The following TBC1D22A variants were observed in gnomAD, a reference collection of about 807,000 sequenced individuals.
The protein encoded by TBC1D22A is TBC1 domain family member 22A.
TBC1D22A carries 38 observed loss-of-function variants against 60.2 expected under a neutral mutation model. The ratio of observed to expected loss-of-function variants is 0.63; its 90% CI spans 0.49 to 0.83. The LOEUF (loss-of-function observed/expected upper bound fraction) is 0.83, where lower values mean the gene tolerates loss of function less well. Among genes scored for constraint, TBC1D22A ranks in the 40% least tolerant of loss-of-function variants. TBC1D22A has a pLI of 0.00. For synonymous variants in TBC1D22A, 302 were observed against 281.7 expected (o/e 1.07, Z -0.72); for missense variants, 628 against 701.0 (o/e 0.90, Z 1.18).
chr22:46,912,233 C>A, intron 8 of TBC1D22A, 45 bp downstream of exon 8: 1 of 1,345,004 alleles, frequency 7.4e-7, no homozygotes, highest in Non-Finnish European at 1.1e-6. Context: ...AGTGGACTTG[C>A]TGTGTGTTAC....
intron 4 of TBC1D22A, among the ~76,000 whole-genome samples, chr22:46,855,783 C>T (rs1386810493): frequency 6.6e-6 from 1 of 152,108 alleles, no homozygotes; most frequent in Non-Finnish European, 1.5e-5. Context: ...TCTTTCGTTG[C>T]CATCCGAGCC....
chr22:47,112,481 CTGT>C (rs1414973356), intron 12 of TBC1D22A, among the ~76,000 whole-genome samples: 2 of 152,214 alleles, frequency 1.3e-5, no homozygotes, highest in Admixed American at 6.5e-5. Flanking sequence ...AGCTGGCAGC[CTGT>C]TGTTCCCCAG....
At chr22:47,040,989 A>T (rs772037103) in intron 11 of TBC1D22A, among the ~76,000 whole-genome samples, 1 of 152,130 alleles carries the variant, frequency 6.6e-6, no homozygotes, top group Non-Finnish European at 1.5e-5. Flanking sequence ...CTGCTTTAGA[A>T]TGGCTCCTCA....
chr22:47,073,828 T>A (rs2064102048), intron 11 of TBC1D22A, among the ~76,000 whole-genome samples: 1 of 152,148 alleles, frequency 6.6e-6, no homozygotes, highest in Non-Finnish European at 1.5e-5. Flanking sequence ...AAAGATAGTA[T>A]TAAAAGACTA....
intron 8 of TBC1D22A, among the ~76,000 whole-genome samples, chr22:46,924,679 AG>A (rs201670099): frequency 0.025 from 3,752 of 152,070 alleles, 67 homozygotes; most frequent in Non-Finnish European, 0.038. Flanking sequence ...CGGGAGGTGG[AG>A]GTTGCAGTGA....
intron 8 of TBC1D22A, among the ~76,000 whole-genome samples, chr22:46,941,238 G>C (rs868590692): frequency 0.012 from 878 of 73,960 alleles, 18 homozygotes; most frequent in African/African-American, 0.049. Flanking sequence ...CACACACACA[G>C]TCCACCCTTG....
At chr22:47,076,091 C>A (rs76110526) in intron 11 of TBC1D22A, among the ~76,000 whole-genome samples, 2,659 of 152,062 alleles carry the variant, frequency 0.017, 81 homozygotes, top group African/African-American at 0.062. Context: ...AATCTGTAAT[C>A]ATTGTGGTAG....
In TBC1D22A at chr22:46,912,108, G is replaced by A. The variant is rs771756934; in HGVS notation, c.935G>A (p.Arg312His). ...AGGATCTTGTTCATATGGGCGATCCGCCACCCAGCCAGTGGATACGTTCAG... is the reference window on the plus strand; with the variant it reads ...AGGATCTTGTTCATATGGGCGATCCACCACCCAGCCAGTGGATACGTTCAG... ...FERILFIWAI[R>H]HPASGYVQGI... The change falls in exon 8 of 13, where the codon CGC (arginine) becomes CAC (histidine). Residue 312 changes from arginine to histidine, a missense_variant. Transcript: ENST00000337137. The A allele has an allele frequency of 2.5e-6, 4 of 1,613,792 alleles. No homozygotes were observed. The highest frequency in any genetic ancestry group is 3.4e-6 in the Non-Finnish European group (4 of 1,179,894).
At chr22:46,908,526 A>G (rs2069656653) in intron 7 of TBC1D22A, among the ~76,000 whole-genome samples, 1 of 152,224 alleles carries the variant, frequency 6.6e-6, no homozygotes, top group Non-Finnish European at 1.5e-5. Context: ...GACAGCGGAC[A>G]TCAAGCCGAG....
chr22:46,806,001 C>T (rs1043626062), intron 4 of TBC1D22A, among the ~76,000 whole-genome samples: 2 of 108,670 alleles, frequency 1.8e-5, no homozygotes, highest in South Asian at 3.1e-4. Flanking sequence ...TACAGGCACC[C>T]ACCACCACAC....
At chr22:46,850,841 G>C (rs958951621) in intron 4 of TBC1D22A, among the ~76,000 whole-genome samples, 5 of 152,236 alleles carry the variant, frequency 3.3e-5, no homozygotes, top group Non-Finnish European at 5.9e-5. Flanking sequence ...AGTCTCTCCA[G>C]ACAGTGGAAT....
chr22:47,012,197 G>A (rs1602988770), intron 10 of TBC1D22A, among the ~76,000 whole-genome samples: 1 of 152,144 alleles, frequency 6.6e-6, no homozygotes, highest in Non-Finnish European at 1.5e-5. Flanking sequence ...CCCCAAAGTT[G>A]TTAAGGTGGT....
chr22:47,092,515 C>T (rs1006431333), intron 11 of TBC1D22A, among the ~76,000 whole-genome samples: 2 of 152,118 alleles, frequency 1.3e-5, no homozygotes, highest in Admixed American at 6.5e-5. Context: ...TGCATGCATG[C>T]CCTGGGAGCA....
intron 1 of TBC1D22A, 140 bp downstream of exon 1, chr22:46,762,988 G>A (rs2146636707): frequency 4.1e-6 from 3 of 739,064 alleles, no homozygotes; most frequent in Non-Finnish European, 6.2e-6. Flanking sequence ...GGTGTGACGG[G>A]CGTTGGGGGG....
chr22:47,063,588 G>T (rs1054139472), intron 11 of TBC1D22A, among the ~76,000 whole-genome samples: 1 of 152,138 alleles, frequency 6.6e-6, no homozygotes, highest in Non-Finnish European at 1.5e-5. Context: ...GAGCCTGGGT[G>T]CCCCTCCAGT....
At chr22:46,939,993 T>C (rs771213641) in intron 8 of TBC1D22A, among the ~76,000 whole-genome samples, 8 of 152,236 alleles carry the variant, frequency 5.3e-5, no homozygotes, top group Non-Finnish European at 2.9e-5. Flanking sequence ...AGGCATACTT[T>C]GGAAATATTC....
At chr22:46,825,911 C>T (rs1453971969) in intron 4 of TBC1D22A, among the ~76,000 whole-genome samples, 2 of 144,698 alleles carry the variant, frequency 1.4e-5, no homozygotes, top group Non-Finnish European at 3.0e-5. Context: ...GAAACGGAGT[C>T]TTGCTCTGTC....
At chr22:46,899,921 A>C (rs1194321900) in intron 7 of TBC1D22A, among the ~76,000 whole-genome samples, 2 of 152,074 alleles carry the variant, frequency 1.3e-5, no homozygotes, top group Non-Finnish European at 2.9e-5. Context: ...TGGGCTGCTA[A>C]TAGGAAGAAG....
chr22:46,787,058 G>A (rs1451478928), intron 1 of TBC1D22A, among the ~76,000 whole-genome samples: 1 of 152,116 alleles, frequency 6.6e-6, no homozygotes, highest in African/African-American at 2.4e-5. Flanking sequence ...TTTCAGTTGT[G>A]TGTATCTTTC....
Sources: allele counts gnomAD v4.1 joint callset (sites outside exome capture counted in the v4.1 genomes callset), GRCh38; gene constraint gnomAD v4.1.1; transcripts MANE v1.5; gene names NCBI Gene and HGNC (gene_info 2026-07-23, HGNC 2026-07-21).